PLXNA4: variants seen among roughly 807,000 people sequenced by gnomAD.
PLXNA4 encodes the protein plexin A4.
Under a neutral mutation model 191.8 loss-of-function variants are expected in PLXNA4, and 44 were observed. That is an observed-to-expected ratio of 0.23 (90% CI 0.18 to 0.29). The LOEUF (loss-of-function observed/expected upper bound fraction) is 0.29. PLXNA4 is among the 10% of genes least tolerant of loss of function. The probability of loss-of-function intolerance (pLI) is 1.00; values close to 1 mark genes in which losing one functional copy is unlikely to be tolerated. For synonymous variants in PLXNA4, 1,082 were observed against 1,009.5 expected, an observed-to-expected ratio of 1.07 and a Z score of -1.36; for missense variants, 1,800 against 2,488.8, an observed-to-expected ratio of 0.72 and a Z score of 5.89.
At position 132,208,952 on chromosome 7, in the gene PLXNA4, T is replaced by G. The variant is rs115573919; in HGVS notation, c.2298+1991A>C. On this transcript the variant is annotated intron_variant, in intron 10 of 31. Transcript: ENST00000321063. ...GGAGTTCCCTGTGATGGCTAAGGAC[T>G]CATTTGGTCAGGCAGCTCTCGGCCT... 5.8e-3 allele frequency among the ~76,000 whole-genome samples: 886 copies of G among 152,282 alleles called. 6 individuals are homozygous for G. Among genetic ancestry groups the G allele is most frequent in the African/African-American group, 0.021 (864 of 41,552 alleles).
intron 2 of PLXNA4, among the ~76,000 whole-genome samples, chr7:132,593,129 G>A (rs1802633259): frequency 6.6e-6 from 1 of 152,218 alleles, no homozygotes; most frequent in Non-Finnish European, 1.5e-5. Flanking sequence ...TTTAGGCTCA[G>A]TTTTAACAAG....
intron 11 of PLXNA4, among the ~76,000 whole-genome samples, chr7:132,203,105 GA>G: frequency 6.6e-6 from 1 of 152,246 alleles, no homozygotes; most frequent in East Asian, 1.9e-4. Context: ...CCTCCTACCA[GA>G]AGCCCTCAGC....
chr7:132,335,777 G>A (rs1241969695), intron 3 of PLXNA4, among the ~76,000 whole-genome samples: 1 of 152,236 alleles, frequency 6.6e-6, no homozygotes, highest in East Asian at 1.9e-4. Flanking sequence ...CCAAAGATGA[G>A]AGACTGGCTC....
At chr7:132,319,407 C>T (rs1241440992) in intron 3 of PLXNA4, among the ~76,000 whole-genome samples, 1 of 151,158 alleles carries the variant, frequency 6.6e-6, no homozygotes, top group Non-Finnish European at 1.5e-5. Flanking sequence ...ATGAGGGCTT[C>T]ATCCTAGATC....
At chr7:132,421,199 C>T (rs778366998) in intron 3 of PLXNA4, among the ~76,000 whole-genome samples, 4 of 152,168 alleles carry the variant, frequency 2.6e-5, no homozygotes, top group Non-Finnish European at 4.4e-5. Context: ...AGCATTTGTC[C>T]TTTTGTGTCT....
intron 9 of PLXNA4, among the ~76,000 whole-genome samples, chr7:132,211,851 G>T (rs1163312586): frequency 6.6e-6 from 1 of 152,192 alleles, no homozygotes; most frequent in East Asian, 1.9e-4. Flanking sequence ...CCTTTGGGAT[G>T]GAGACAGTGA....
At chr7:132,295,509 C>A (rs1443329119) in intron 4 of PLXNA4, among the ~76,000 whole-genome samples, 1 of 152,164 alleles carries the variant, frequency 6.6e-6, no homozygotes, top group African/African-American at 2.4e-5. Context: ...TGAGGGAGAC[C>A]CACCACCTGA....
intron 4 of PLXNA4, among the ~76,000 whole-genome samples, chr7:132,295,725 C>T (rs1203195644): frequency 6.6e-6 from 1 of 152,114 alleles, no homozygotes; most frequent in Admixed American, 6.5e-5. Flanking sequence ...GATGGACCAT[C>T]TAGAATCTCA....
At chr7:132,306,033 A>T (rs541733853) in intron 3 of PLXNA4, among the ~76,000 whole-genome samples, 1 of 152,248 alleles carries the variant, frequency 6.6e-6, no homozygotes, top group East Asian at 1.9e-4. Flanking sequence ...TCCCAGGGCA[A>T]ATCTGAATTC....
chr7:132,398,983 C>T (rs1463061435), intron 3 of PLXNA4, among the ~76,000 whole-genome samples: 1 of 152,180 alleles, frequency 6.6e-6, no homozygotes, highest in Admixed American at 6.5e-5. Flanking sequence ...CCTCAGCTGG[C>T]CCTGGCACCA....
intron 1 of PLXNA4, among the ~76,000 whole-genome samples, chr7:132,532,392 GT>G: frequency 6.6e-6 from 1 of 152,302 alleles, no homozygotes; most frequent in East Asian, 1.9e-4. Flanking sequence ...TTTCTAGAAA[GT>G]TTCCAGGTAC....
At chr7:132,519,557 T>G (rs1799089222) in intron 1 of PLXNA4, among the ~76,000 whole-genome samples, 2 of 152,182 alleles carry the variant, frequency 1.3e-5, no homozygotes, top group Admixed American at 6.5e-5. Context: ...AGCTGACATT[T>G]TCACCAGGAG....
At chr7:132,330,074 G>A (rs1458780551) in intron 3 of PLXNA4, among the ~76,000 whole-genome samples, 1 of 152,190 alleles carries the variant, frequency 6.6e-6, no homozygotes, top group Admixed American at 6.5e-5. Flanking sequence ...AGGAGCACAG[G>A]GCAGATTTCC....
chr7:132,588,986 G>A (rs1385920774), intron 2 of PLXNA4, among the ~76,000 whole-genome samples: 1 of 151,932 alleles, frequency 6.6e-6, no homozygotes, highest in Non-Finnish European at 1.5e-5. Context: ...GATTTTCATG[G>A]GACTATAAAG....
chr7:132,269,691 C>T (rs1356809233), intron 4 of PLXNA4, among the ~76,000 whole-genome samples: 1 of 151,886 alleles, frequency 6.6e-6, no homozygotes, highest in Non-Finnish European at 1.5e-5. Flanking sequence ...AACTGTTGCC[C>T]TTCCAAAAAC....
chr7:132,401,125 C>T (rs1167003875), intron 3 of PLXNA4, among the ~76,000 whole-genome samples: 1 of 152,140 alleles, frequency 6.6e-6, no homozygotes, highest in Non-Finnish European at 1.5e-5. Context: ...TACACACTCG[C>T]CAATGCAAAA....
chr7:132,168,539 C>A lies in PLXNA4; in HGVS notation c.4051G>T (p.Gly1351Cys). The A allele has an allele frequency of 6.2e-7, 1 of 1,603,740 alleles. No homozygotes were observed. The highest frequency in any genetic ancestry group is 8.5e-7 in the Non-Finnish European group (1 of 1,174,004). ...ATGAGCTGGGCGAAGAGCTTCAGGCCTTTCTCCACACGCTCCTGCCGGTAG... is the reference window on the plus strand; with the variant it reads ...ATGAGCTGGGCGAAGAGCTTCAGGCATTTCTCCACACGCTCCTGCCGGTAG... ...PGYRQERVEK[G>C]LKLFAQLINN... The change falls in exon 22 of 32, where the codon GGC (glycine) becomes TGC (cysteine). Residue 1351 changes from glycine to cysteine, a missense_variant. Physicochemically the swap from Gly to Cys is radical, Grantham distance 159. Coordinates refer to ENST00000321063, the MANE Select transcript of PLXNA4 (RefSeq NM_020911.2).
chr7:132,468,128 A>C (rs968469538), intron 3 of PLXNA4, among the ~76,000 whole-genome samples: 4 of 152,180 alleles, frequency 2.6e-5, no homozygotes, highest in Admixed American at 1.3e-4. Context: ...TTTTACAAAA[A>C]AACCCTGTAA....
intron 1 of PLXNA4, among the ~76,000 whole-genome samples, chr7:132,561,866 T>C (rs1358020229): frequency 1.4e-3 from 117 of 84,704 alleles, no homozygotes; most frequent in South Asian, 1.9e-3. Flanking sequence ...TATCCTCCTC[T>C]TTCTCCTCCT....
Sources: gnomAD v4.1 joint callset for allele counts (sites outside exome capture counted in the v4.1 genomes callset) on GRCh38, gnomAD v4.1.1 for gene constraint, MANE v1.5 for transcripts, NCBI Gene and HGNC (gene_info 2026-07-23, HGNC 2026-07-21) for gene names.